Variants in SPHKAP observed in about 807,000 individuals in gnomAD.
The protein encoded by SPHKAP is SPHK1 interactor, AKAP domain containing, also known as A-kinase anchor protein SPHKAP.
Under a neutral mutation model 137.5 loss-of-function variants are expected in SPHKAP, and 67 were observed. The ratio of observed to expected loss-of-function variants is 0.49; its 90% CI spans 0.40 to 0.60. SPHKAP has a LOEUF of 0.60. Ranked by LOEUF, SPHKAP falls within the 20% of genes least tolerant of loss-of-function variation. SPHKAP has a pLI of 0.00. For synonymous variants in SPHKAP, 813 were observed against 785.3 expected (o/e 1.04, Z -0.59); for missense variants, 2,097 against 2,069.3 (o/e 1.01, Z -0.26).
At chr2:228,169,887 C>A (rs77585807) in intron 1 of SPHKAP, 1 of 151,764 alleles carries the variant, frequency 6.6e-6, no homozygotes, top group East Asian at 1.9e-4. Context: ...AGTTGCCATA[C>A]ATAGTGATTC....
intron 1 of SPHKAP, among the ~76,000 whole-genome samples, chr2:228,135,173 C>A (rs1183460494): frequency 1.3e-5 from 2 of 149,850 alleles, no homozygotes; most frequent in African/African-American, 2.5e-5. Context: ...ACTCAGGAGG[C>A]TGAGACAGGA....
At chr2:228,025,781 G>A (rs1411835760) in intron 4 of SPHKAP, 1 of 814,226 alleles carries the variant, frequency 1.2e-6, no homozygotes, top group African/African-American at 1.9e-5. Flanking sequence ...TAAACATAAA[G>A]TAAACATTAT....
At chr2:228,001,531 A>G (rs1223555373) in intron 7 of SPHKAP, among the ~76,000 whole-genome samples, 1 of 144,796 alleles carries the variant, frequency 6.9e-6, no homozygotes, top group East Asian at 2.0e-4. Flanking sequence ...ATATATACAT[A>G]TATATAAAAA....
intron 3 of SPHKAP, among the ~76,000 whole-genome samples, chr2:228,045,173 T>C (rs1162337235): frequency 6.6e-6 from 1 of 151,452 alleles, no homozygotes; most frequent in Admixed American, 6.6e-5. Flanking sequence ...GTTCAACCAT[T>C]GTGGAAGGCA....
intron 1 of SPHKAP, among the ~76,000 whole-genome samples, chr2:228,176,642 GGGCA>G (rs779699652): frequency 1.3e-5 from 2 of 152,188 alleles, no homozygotes; most frequent in Non-Finnish European, 2.9e-5. Flanking sequence ...CGGGAGGCCA[GGGCA>G]GGTGGGTCAC....
intron 1 of SPHKAP, among the ~76,000 whole-genome samples, chr2:228,154,510 CTCTA>C (rs1352222952): frequency 5.9e-4 from 22 of 37,524 alleles, no homozygotes; most frequent in East Asian, 1.3e-3. Context: ...CTCTCTCTCT[CTCTA>C]TATATATATA....
chr2:227,991,434 C>A, intron 9 of SPHKAP, 108 bp from the exon 10 acceptor site: 1 of 1,588,672 alleles, frequency 6.3e-7, no homozygotes, highest in Non-Finnish European at 8.5e-7. Flanking sequence ...GAAGTTCATT[C>A]TGGATTTATT....
Position 228,018,601 on chromosome 2 carries a change from G to A in SPHKAP, c.2253C>T (p.Cys751=). Residue 751 remains cysteine, a synonymous_variant, in exon 7 of 12, where the codon TGC becomes TGT. Coordinates refer to ENST00000392056, the MANE Select transcript of SPHKAP (RefSeq NM_001142644.2). ...GACTAGCACCCGGATCAGATGGCTG[G>A]CAGCTTGGTTCTGTCTCCCTCCTTC... is the stretch of plus-strand genomic sequence containing the variant. ...TIRRRETEPS[C]QPSDPGASQA... 1 of 1,614,032 alleles carries A rather than the reference G, an allele frequency of 6.2e-7. No individual in the cohort carries two copies.
intron 7 of SPHKAP, among the ~76,000 whole-genome samples, chr2:228,010,424 C>A (rs184417514): frequency 6.6e-6 from 1 of 152,170 alleles, no homozygotes; most frequent in African/African-American, 2.4e-5. Context: ...CCCAGCTACT[C>A]GGGAGGCTGA....
chr2:228,048,418 A>G (rs990414175), intron 3 of SPHKAP, among the ~76,000 whole-genome samples: 5 of 152,072 alleles, frequency 3.3e-5, no homozygotes, highest in South Asian at 2.1e-4. Context: ...ACTCCACCTC[A>G]TCTCTCACCT....
intron 3 of SPHKAP, among the ~76,000 whole-genome samples, chr2:228,065,345 A>G (rs538656989): frequency 3.5e-4 from 53 of 152,318 alleles, no homozygotes; most frequent in African/African-American, 1.0e-3. Context: ...CCTTGACAGA[A>G]AGGAGGTACC....
chr2:228,137,904 A>G (rs4973618), intron 1 of SPHKAP, among the ~76,000 whole-genome samples: 52,024 of 152,022 alleles, frequency 0.34, 9,181 homozygotes, highest in East Asian at 0.5. Flanking sequence ...CAGAGGTTTA[A>G]GTCAATTTTT....
At chr2:228,152,615 T>C (rs1001739170) in intron 1 of SPHKAP, among the ~76,000 whole-genome samples, 10 of 152,284 alleles carry the variant, frequency 6.6e-5, no homozygotes, top group African/African-American at 2.2e-4. Context: ...TTTGGGTCCA[T>C]TTAATGTCTG....
intron 1 of SPHKAP, among the ~76,000 whole-genome samples, chr2:228,145,760 G>A (rs1219756333): frequency 6.6e-6 from 1 of 152,188 alleles, no homozygotes; most frequent in African/African-American, 2.4e-5. Context: ...CGGGAGCCAT[G>A]TTGGCCTGCA....
At chr2:228,141,278 A>C (rs1194009938) in intron 1 of SPHKAP, among the ~76,000 whole-genome samples, 1 of 152,204 alleles carries the variant, frequency 6.6e-6, no homozygotes, top group Non-Finnish European at 1.5e-5. Flanking sequence ...TAGTTTTCTC[A>C]TCTGTAAAAT....
At chr2:228,155,813 A>T (rs1194362538) in intron 1 of SPHKAP, among the ~76,000 whole-genome samples, 3 of 152,222 alleles carry the variant, frequency 2.0e-5, no homozygotes, top group Non-Finnish European at 4.4e-5. Flanking sequence ...TTTGAGAGAA[A>T]TCCTATAAAT....
chr2:228,001,977 T>C (rs1013452499), intron 7 of SPHKAP, among the ~76,000 whole-genome samples: 4 of 152,172 alleles, frequency 2.6e-5, no homozygotes, highest in Admixed American at 2.6e-4. Context: ...CATTGTTGGA[T>C]ATTTGGATTG....
intron 1 of SPHKAP, among the ~76,000 whole-genome samples, chr2:228,173,672 G>A (rs371874130): frequency 6.6e-6 from 1 of 152,162 alleles, no homozygotes; most frequent in African/African-American, 2.4e-5. Flanking sequence ...AGAAAGGAAT[G>A]CAGCCCTGGC....
At chr2:228,158,994 C>T (rs6722800) in intron 1 of SPHKAP, among the ~76,000 whole-genome samples, 19,464 of 152,070 alleles carry the variant, frequency 0.13, 1,260 homozygotes, top group East Asian at 0.2. Context: ...GGATTCAGTC[C>T]GTCCTTATGT....
Sources: allele counts gnomAD v4.1 joint callset (sites outside exome capture counted in the v4.1 genomes callset), GRCh38; gene constraint gnomAD v4.1.1; transcripts MANE v1.5; gene names NCBI Gene and HGNC (gene_info 2026-07-23, HGNC 2026-07-21).